ZFP1: variants seen among roughly 807,000 people sequenced by gnomAD.
The protein encoded by ZFP1 is zinc finger protein 1 homolog.
Under a neutral mutation model 38.5 loss-of-function variants are expected in ZFP1, and 32 were observed. The ratio of observed to expected loss-of-function variants is 0.83; its 90% CI spans 0.63 to 1.12. The LOEUF is 1.12. Among genes scored for constraint, ZFP1 ranks in the 50% most tolerant of loss-of-function variants. The pLI is 0.00. For missense variants in ZFP1, 616 were observed against 480.8 expected, an observed-to-expected ratio of 1.28 and a Z score of -2.63; for synonymous variants, 245 against 168.8, an observed-to-expected ratio of 1.45 and a Z score of -3.50.
chr16:75,136,881 A>G, the ZFP1 span, among the ~76,000 whole-genome samples: 8 of 149,856 alleles, frequency 5.3e-5, no homozygotes, highest in African/African-American at 1.3e-4. Flanking sequence ...AAAAAAGAAA[A>G]GAAAAGGAAA....
upstream of ZFP1, among the ~76,000 whole-genome samples, chr16:75,145,353 A>G (rs2145479175): frequency 6.6e-6 from 1 of 152,348 alleles, no homozygotes; most frequent in East Asian, 1.9e-4. Context: ...TTTGGAAGAC[A>G]GTGTTGGCAG....
chr16:75,160,945 C>G (rs1170294850), intron 2 of ZFP1, among the ~76,000 whole-genome samples: 1 of 152,182 alleles, frequency 6.6e-6, no homozygotes, highest in Non-Finnish European at 1.5e-5. Flanking sequence ...CCTCCCAATA[C>G]TTAATTGGGG....
chr16:75,170,767 G>A lies in ZFP1; in HGVS notation c.*433G>A. ...AATTCTTGTCCTCTGTGATAATTAG[G>A]ACATAACAAGATTTTCCATACTAAA... On this transcript the variant is annotated 3_prime_UTR_variant, in exon 4 of 4. Coordinates refer to ENST00000570010, the MANE Select transcript of ZFP1 (RefSeq NM_153688.4). The A allele has an allele frequency of 6.4e-6, 1 of 156,940 alleles. No individual in the cohort carries two copies. Among genetic ancestry groups the A allele is most frequent in the Non-Finnish European group, 1.4e-5 (1 of 71,144 alleles). The allele number at this position is 156,940 out of a possible 1,614,324, so 9.7% of individuals were successfully genotyped here. A position where few individuals can be genotyped will look rare whatever the true frequency, so the allele number is the denominator to read the frequency against.
At chr16:75,140,008 C>G in the ZFP1 span, among the ~76,000 whole-genome samples, 7 of 152,144 alleles carry the variant, frequency 4.6e-5, no homozygotes, top group Non-Finnish European at 4.4e-5. Flanking sequence ...GTGGCTCATG[C>G]CTGTAATCCT....
chr16:75,147,579 G>C (rs948298934), upstream of ZFP1, among the ~76,000 whole-genome samples: 1 of 151,990 alleles, frequency 6.6e-6, no homozygotes, highest in African/African-American at 2.4e-5. Flanking sequence ...GAGCCACTGA[G>C]CCTGGCCAGG....
chr16:75,150,780 G>A (rs549427971), intron 1 of ZFP1, among the ~76,000 whole-genome samples: 2 of 152,062 alleles, frequency 1.3e-5, no homozygotes, highest in African/African-American at 2.4e-5. Context: ...TAACTGTTTC[G>A]TGTGTATTTG....
chr16:75,129,350 C>T, the ZFP1 span, among the ~76,000 whole-genome samples: 3 of 152,096 alleles, frequency 2.0e-5, no homozygotes, highest in African/African-American at 7.2e-5. Flanking sequence ...AAAATGCTTT[C>T]TCTAAAAGAT....
At position 75,161,088 on chromosome 16, in the gene ZFP1, A is replaced by G. The variant is rs527361442; in HGVS notation, c.16-5682A>G. On this transcript the variant is annotated intron_variant, in intron 2 of 3. Transcript: ENST00000570010. ...TTAATTTATTTAATTAATTTTCAAGATGGAGTCTTGCTCTTGTTGCCCAGG... is the reference window on the plus strand; with the variant it reads ...TTAATTTATTTAATTAATTTTCAAGGTGGAGTCTTGCTCTTGTTGCCCAGG... Among the ~76,000 whole-genome samples the G allele has an allele frequency of 2.0e-5, 3 of 152,128 alleles. No homozygotes were observed. In the East Asian group the frequency reaches 5.8e-4, roughly 29 times the overall value.
chr16:75,147,640 G>C (rs2036970351), upstream of ZFP1, among the ~76,000 whole-genome samples: 1 of 152,056 alleles, frequency 6.6e-6, no homozygotes, highest in Non-Finnish European at 1.5e-5. Flanking sequence ...CACTGTTCTG[G>C]TGTGGGATAT....
At chr16:75,151,620 G>A (rs1015591630) in intron 1 of ZFP1, among the ~76,000 whole-genome samples, 7 of 151,936 alleles carry the variant, frequency 4.6e-5, no homozygotes, top group Non-Finnish European at 7.4e-5. Context: ...TCATCCTCCC[G>A]TCTTTTGCAT....
In ZFP1 at chr16:75,153,843, G is replaced by A. The variant is rs531736978; in HGVS notation, c.15+877G>A. Reference sequence around the variant, plus strand: ...CCTGAAAATCCCGTGCTCCGCCTATGCACCTCTCCCTCTGTCTCCCTAAGT... The same window carrying A: ...CCTGAAAATCCCGTGCTCCGCCTATACACCTCTCCCTCTGTCTCCCTAAGT... On this transcript the variant is annotated intron_variant, in intron 2 of 3. Coordinates refer to ENST00000570010, the MANE Select transcript of ZFP1 (RefSeq NM_153688.4). 2.6e-5 allele frequency among the ~76,000 whole-genome samples: 4 copies of A among 152,222 alleles called. No homozygotes were observed. The South Asian group carries it at 6.2e-4, about 24-fold the overall frequency.
rs1296407311 is a variant in ZFP1 at position 75,169,325 on chromosome 16, T to C, written c.215T>C (p.Ile72Thr). 2 of 1,614,136 alleles carry C rather than the reference T, an allele frequency of 1.2e-6. No homozygotes were observed. Among genetic ancestry groups the C allele is most frequent in the Non-Finnish European group, 1.7e-6 (2 of 1,180,018 alleles). ...GACGAGCAGGCGAGGCAATTTTTAA[T>C]TCTTAAGAACCAAACCCCAATTGAG... ...NPDEQARQFL[I>T]LKNQTPIEER... is the part of the protein sequence containing the mutation. Residue 72 changes from isoleucine (I) to threonine (T), a missense_variant, in exon 4 of 4, where the codon ATT becomes ACT. By Grantham distance (89) the Ile-to-Thr change is moderately conservative. Coordinates refer to ENST00000570010, the MANE Select transcript of ZFP1 (RefSeq NM_153688.4).
At chr16:75,144,719 C>T (rs1024567257), upstream of ZFP1, among the ~76,000 whole-genome samples, 1 of 152,178 alleles carries the variant, frequency 6.6e-6, no homozygotes, top group East Asian at 1.9e-4. Context: ...TTATTCCAGT[C>T]CCTGGTAACT....
chr16:75,125,251 T>G, the ZFP1 span, among the ~76,000 whole-genome samples: 3 of 134,506 alleles, frequency 2.2e-5, no homozygotes, highest in East Asian at 3.9e-4. Context: ...AGAGCAAGAC[T>G]CTATCTCGAA....
At chr16:75,147,633 T>A (rs1040857963), upstream of ZFP1, among the ~76,000 whole-genome samples, 3 of 152,028 alleles carry the variant, frequency 2.0e-5, no homozygotes, top group African/African-American at 7.2e-5. Context: ...ACAAATACAC[T>A]GTTCTGGTGT....
At chr16:75,158,840 A>G (rs2037599791) in intron 2 of ZFP1, among the ~76,000 whole-genome samples, 2 of 151,088 alleles carry the variant, frequency 1.3e-5, no homozygotes, top group South Asian at 4.2e-4. Flanking sequence ...GTTAAAACTA[A>G]TATATAGGTA....
the ZFP1 span, among the ~76,000 whole-genome samples, chr16:75,127,564 G>A: frequency 4.6e-5 from 7 of 152,152 alleles, no homozygotes; most frequent in South Asian, 2.1e-4. Context: ...CAAGAGATCC[G>A]CTGGCCTCAG....
In ZFP1 at chr16:75,169,295, A is replaced by G; in HGVS notation, c.185A>G (p.Asn62Ser). The G allele has an allele frequency of 6.2e-7, 1 of 1,613,826 alleles. No individual in the cohort carries two copies. Among genetic ancestry groups the G allele is most frequent in the Non-Finnish European group, 8.5e-7 (1 of 1,179,952 alleles). Residue 62 changes from asparagine (N) to serine (S), a missense_variant, in exon 4 of 4, where the codon AAC (asparagine) becomes AGC (serine). By Grantham distance (46) the Asn-to-Ser change is conservative. Transcript: ENST00000570010. ...ADDQMERDHR[N>S]PDEQARQFLI... Reference sequence around the variant, plus strand: ...GACCAGATGGAGAGAGACCACAGAAACCCAGACGAGCAGGCGAGGCAATTT... The same window carrying G: ...GACCAGATGGAGAGAGACCACAGAAGCCCAGACGAGCAGGCGAGGCAATTT...
intron 2 of ZFP1, among the ~76,000 whole-genome samples, chr16:75,159,375 C>A (rs1244240285): frequency 5.6e-5 from 1 of 17,948 alleles, no homozygotes; most frequent in Non-Finnish European, 1.8e-4. Flanking sequence ...CTCCCTCCCT[C>A]CCTTCCTTCC....
Sources: allele counts gnomAD v4.1 joint callset (sites outside exome capture counted in the v4.1 genomes callset), GRCh38; gene constraint gnomAD v4.1.1; transcripts MANE v1.5; gene names NCBI Gene and HGNC (gene_info 2026-07-23, HGNC 2026-07-21).